Variants in DNAH17 observed in about 807,000 individuals in gnomAD.
The protein encoded by DNAH17 is dynein axonemal heavy chain 17, also known as axonemal beta dynein heavy chain 17.
Under a neutral mutation model 485.6 loss-of-function variants are expected in DNAH17, and 376 were observed. That is an observed-to-expected ratio of 0.77 (90% CI 0.71 to 0.84). The LOEUF (loss-of-function observed/expected upper bound fraction) is 0.84, where lower values mean the gene tolerates loss of function less well. Among genes scored for constraint, DNAH17 ranks in the 40% least tolerant of loss-of-function variants. The pLI is 0.00. For missense variants in DNAH17, 6,370 were observed against 5,839.3 expected (o/e 1.09, Z -2.96); for synonymous variants, 3,031 against 2,405.9 (o/e 1.26, Z -7.60).
rs2087927706 is a variant in DNAH17, at chr17:78,458,656, G to C, written c.9886C>G (p.Leu3296Val). ...GTTGCTTTTTCAAACGCTGAGGTTA[G>C]GTTGCTCAGGTTGGCGTTAAGTTCC... is the stretch of plus-strand genomic sequence containing the variant. ...IAELNANLSN[L>V]TSAFEKATAE... is the part of the protein sequence containing the mutation. The change falls in exon 62 of 81, where the codon CTA becomes GTA. Residue 3296 changes from leucine (L) to valine (V), a missense_variant. Physicochemically the swap from Leu to Val is conservative, Grantham distance 32 (BLOSUM62 1). Transcript: ENST00000389840. The C allele has an allele frequency of 6.2e-7, 1 of 1,614,058 alleles. No homozygotes were observed. Among genetic ancestry groups the C allele is most frequent in the African/African-American group, 1.3e-5 (1 of 75,072 alleles).
At chr17:78,424,273 G>T in intron 80 of DNAH17, 120 bp from the exon 81 acceptor site, 1 of 1,311,836 alleles carries the variant, frequency 7.6e-7, no homozygotes, top group Middle Eastern at 2.7e-4. Context: ...ACCCCAAAAG[G>T]CTTCAGGCCA....
intron 72 of DNAH17, 38 bp from the exon 73 acceptor site, chr17:78,439,255 T>C (rs2086975308): frequency 6.3e-7 from 1 of 1,584,492 alleles, no homozygotes. Flanking sequence ...CACCACGTAA[T>C]TAAATGACAC....
intron 25 of DNAH17, among the ~76,000 whole-genome samples, chr17:78,524,635 T>C (rs1047613554): frequency 6.6e-6 from 1 of 152,040 alleles, no homozygotes; most frequent in African/African-American, 2.4e-5. Flanking sequence ...TATGAGCCAC[T>C]GAGTTTATGG....
chr17:78,484,389 G>A (rs569584391), intron 48 of DNAH17, among the ~76,000 whole-genome samples: 1 of 152,222 alleles, frequency 6.6e-6, no homozygotes, highest in African/African-American at 2.4e-5. Flanking sequence ...ACAGCCAGCA[G>A]GACACTGCTG....
rs773743219 is a variant in DNAH17, at chr17:78,460,022, G to A, written c.9436-21C>T. 16 of 1,611,218 alleles carry A rather than the reference G, an allele frequency of 9.9e-6. No homozygotes were observed. The Admixed American group carries it at 1.8e-4, about 18-fold the overall frequency. ...TTGTTCTGCAAATGACAGACGGGAT[G>A]GGTCCGATGGGAGTTTGGACCGGGT... On this transcript the variant is annotated intron_variant, in intron 59 of 80. Transcript: ENST00000389840.
chr17:78,566,434 T>C (rs2092266785), intron 11 of DNAH17, among the ~76,000 whole-genome samples, 180 bp downstream of exon 11: 1 of 152,116 alleles, frequency 6.6e-6, no homozygotes, highest in Non-Finnish European at 1.5e-5. Flanking sequence ...GTAAGAACCA[T>C]CAGGAGCTAC....
At chr17:78,515,134 AT>A in intron 25 of DNAH17, 112 bp from the exon 26 acceptor site, 1 of 1,233,590 alleles carries the variant, frequency 8.1e-7, no homozygotes, top group Non-Finnish European at 1.1e-6. Flanking sequence ...AGTGAGGAAT[AT>A]TTAGAACTAA....
chr17:78,559,074 C>T (rs1457301729), intron 13 of DNAH17, among the ~76,000 whole-genome samples: 1 of 152,204 alleles, frequency 6.6e-6, no homozygotes, highest in African/African-American at 2.4e-5. Flanking sequence ...AATTTACCCT[C>T]AGTTGAATGA....
chr17:78,542,571 A>T (rs1043930946), intron 17 of DNAH17, among the ~76,000 whole-genome samples: 1 of 152,220 alleles, frequency 6.6e-6, no homozygotes, highest in Non-Finnish European at 1.5e-5. Context: ...TGAGGAGGAT[A>T]TGAAAACCCC....
rs541514193 is a variant in DNAH17 at position 78,571,017 on chromosome 17, G to T, written c.849C>A (p.Asn283Lys). The T allele has an allele frequency of 4.4e-6, 7 of 1,575,006 alleles. No individual in the cohort carries two copies. The highest frequency in any genetic ancestry group is 5.2e-6 in the Non-Finnish European group (6 of 1,160,010). ...TNVTEGLKEA[N>K]DIVLYLKPLR... The stretch of plus-strand genomic sequence containing the variant: ...GGGGCTTCAAATAGAGCACGATGTC[G>T]TTGGCTTCCTTCAGCCCTGCACGGA... Residue 283 changes from asparagine to lysine, a missense_variant, in exon 6 of 81, where the codon AAC becomes AAA. Asn to Lys is a moderately conservative substitution (Grantham distance 94). Transcript: ENST00000389840.
At chr17:78,478,695 CCAT>C (rs899491967) in intron 51 of DNAH17, among the ~76,000 whole-genome samples, 1 of 139,868 alleles carries the variant, frequency 7.1e-6, no homozygotes. Flanking sequence ...ACAATTATTA[CCAT>C]CATTACCATC....
At chr17:78,540,958 A>G (rs186382255) in intron 17 of DNAH17, among the ~76,000 whole-genome samples, 1 of 62 alleles carries the variant, frequency 0.016, no homozygotes, top group Non-Finnish European at 0.024. Context: ...TCGGTGGATG[A>G]GTGGATGGGT....
At position 78,438,965 on chromosome 17, in the gene DNAH17, A is replaced by AG. The variant is rs1483706861; in HGVS notation, c.11805+124dup. On this transcript the variant is annotated intron_variant, in intron 73 of 80. Coordinates refer to ENST00000389840, the MANE Select transcript of DNAH17 (RefSeq NM_173628.4). ...GGATGCCTCCTCCTTCAGTGGTGTT[A>AG]GGATTTCCACCCACATTTCTGAATG... is the stretch of plus-strand genomic sequence containing the variant. 195 of 1,384,282 alleles carry AG rather than the reference A, an allele frequency of 1.4e-4. 1 individual carries two copies. The East Asian group carries it at 4.9e-3, about 35-fold the overall frequency. The allele number at this position is 1,384,282 out of a possible 1,614,324, so 85.7% of individuals were successfully genotyped here. A position where few individuals can be genotyped will look rare whatever the true frequency, so the allele number is the denominator to read the frequency against.
Position 78,501,722 on chromosome 17 carries a change from T to G in DNAH17, c.5322+20A>C, listed in dbSNP as rs760464023. 1 of 1,609,772 alleles carries G rather than the reference T, an allele frequency of 6.2e-7. No homozygotes were observed. Among genetic ancestry groups the G allele is most frequent in the Non-Finnish European group, 8.5e-7 (1 of 1,179,008 alleles). On this transcript the variant is annotated intron_variant, in intron 34 of 80. Coordinates refer to ENST00000389840, the MANE Select transcript of DNAH17 (RefSeq NM_173628.4). The stretch of plus-strand genomic sequence containing the variant: ...GTCCCCTTGCCCTTCCCCTGGCCCC[T>G]GGGACAGGGGCGCTCATGCCTTGGC...
chr17:78,510,751 G>GCCCC (rs3031639), intron 26 of DNAH17: 88,576 of 374,772 alleles, frequency 0.24, 7,362 homozygotes, highest in African/African-American at 0.27. Context: ...CGGAATTGCG[G>GCCCC]CCCCCCCGCA....
chr17:78,425,487 C>T lies in DNAH17; in HGVS notation c.13000G>A (p.Ala4334Thr), dbSNP rs762056333. ...TTCCTGGCCATGGACTGCATGATGGCCGTGAGGAACGACTGGGGGTTGAAG... is the reference window on the plus strand; with the variant it reads ...TTCCTGGCCATGGACTGCATGATGGTCGTGAGGAACGACTGGGGGTTGAAG... The part of the protein sequence containing the change: ...GFFNPQSFLT[A>T]IMQSMARKNE... The change falls in exon 80 of 81, where the codon GCC becomes ACC. Residue 4334 changes from alanine to threonine, a missense_variant. Coordinates refer to ENST00000389840, the MANE Select transcript of DNAH17 (RefSeq NM_173628.4). 1 of 1,613,882 alleles carries T rather than the reference C, an allele frequency of 6.2e-7. No individual in the cohort carries two copies.
At chr17:78,544,427 G>C (rs893183148) in intron 16 of DNAH17, among the ~76,000 whole-genome samples, 1 of 152,160 alleles carries the variant, frequency 6.6e-6, no homozygotes, top group African/African-American at 2.4e-5. Flanking sequence ...GGGGGCCACT[G>C]ATCTGCCGAC....
At chr17:78,433,187 C>T (rs1360524798) in intron 75 of DNAH17, among the ~76,000 whole-genome samples, 2 of 152,224 alleles carry the variant, frequency 1.3e-5, no homozygotes, top group Non-Finnish European at 2.9e-5. Context: ...GGCTCCTGGG[C>T]CTGTGCCAGG....
At chr17:78,566,593 G>C (rs1292503046) in intron 11 of DNAH17, 21 bp downstream of exon 11, 2 of 1,534,558 alleles carry the variant, frequency 1.3e-6, no homozygotes, top group East Asian at 2.3e-5. Flanking sequence ...AGATCTGCCT[G>C]CGTCTCCACT....
Sources: gnomAD v4.1 joint callset for allele counts (sites outside exome capture counted in the v4.1 genomes callset) on GRCh38, gnomAD v4.1.1 for gene constraint, MANE v1.5 for transcripts, NCBI Gene and HGNC (gene_info 2026-07-23, HGNC 2026-07-21) for gene names.